RBFOX1: variants seen among roughly 807,000 people sequenced by gnomAD.
The protein encoded by RBFOX1 is RNA binding fox-1 homolog 1.
A neutral mutation model predicts 57.7 loss-of-function variants in RBFOX1; 8 were observed. That is an observed-to-expected ratio of 0.14 (90% CI 0.08 to 0.25). The LOEUF (loss-of-function observed/expected upper bound fraction) is 0.25, where lower values mean the gene tolerates loss of function less well. Ranked by LOEUF, RBFOX1 falls within the 10% of genes least tolerant of loss-of-function variation. RBFOX1 has a pLI of 1.00. For synonymous variants in RBFOX1, 326 were observed against 222.4 expected (o/e 1.47, Z -4.15); for missense variants, 611 against 548.5 (o/e 1.11, Z -1.14).
intron 2 of RBFOX1, among the ~76,000 whole-genome samples, chr16:6,334,806 G>A (rs2152813369): frequency 6.6e-6 from 1 of 152,278 alleles, no homozygotes; most frequent in African/African-American, 2.4e-5. Flanking sequence ...AGGGGAGGTG[G>A]CAGGTAACAT....
At chr16:7,230,981 C>T (rs556851334) in intron 4 of RBFOX1, among the ~76,000 whole-genome samples, 1 of 152,062 alleles carries the variant, frequency 6.6e-6, no homozygotes, top group Non-Finnish European at 1.5e-5. Context: ...GGGTCTGAGT[C>T]CCAGAATTCA....
chr16:5,949,981 A>C (rs1320731932), intron 4 of RBFOX1, among the ~76,000 whole-genome samples: 1 of 152,228 alleles, frequency 6.6e-6, no homozygotes, highest in Admixed American at 6.5e-5. Flanking sequence ...AGAATGTTAC[A>C]TAGGTTGATG....
At chr16:6,397,382 T>C (rs2092883712) in intron 2 of RBFOX1, among the ~76,000 whole-genome samples, 2 of 152,092 alleles carry the variant, frequency 1.3e-5, no homozygotes, top group South Asian at 4.1e-4. Flanking sequence ...AAGAAGACAA[T>C]ATAATGACGT....
chr16:5,321,056 G>A (rs1310615924), intron 1 of RBFOX1, among the ~76,000 whole-genome samples: 1 of 152,236 alleles, frequency 6.6e-6, no homozygotes, highest in South Asian at 2.1e-4. Flanking sequence ...TAGGTCTCAG[G>A]GAAACTGTAC....
chr16:6,385,311 C>T (rs575097032), intron 2 of RBFOX1, among the ~76,000 whole-genome samples: 1 of 152,290 alleles, frequency 6.6e-6, no homozygotes, highest in South Asian at 2.1e-4. Context: ...GTGCCCATGA[C>T]ATTATTTAAC....
At chr16:7,399,301 G>C (rs184880737) in intron 4 of RBFOX1, among the ~76,000 whole-genome samples, 1 of 149,432 alleles carries the variant, frequency 6.7e-6, no homozygotes, top group East Asian at 1.9e-4. Flanking sequence ...TACAAAATTA[G>C]CCAAGTGCGA....
At chr16:7,168,365 G>C (rs1478726) in intron 4 of RBFOX1, among the ~76,000 whole-genome samples, 111,929 of 151,978 alleles carry the variant, frequency 0.74, 42,187 homozygotes, top group Non-Finnish European at 0.82. Context: ...CTAGGGTGCA[G>C]AGCCAGGTAG....
chr16:7,677,005 G>C (rs947552733), intron 14 of RBFOX1, among the ~76,000 whole-genome samples, 167 bp downstream of exon 14: 1 of 151,932 alleles, frequency 6.6e-6, no homozygotes, highest in African/African-American at 2.4e-5. Context: ...ATAGAGAGAG[G>C]GCAAATGCTT....
intron 3 of RBFOX1, among the ~76,000 whole-genome samples, chr16:5,822,686 T>C (rs1037587183): frequency 2.7e-4 from 41 of 152,350 alleles, no homozygotes; most frequent in Admixed American, 3.9e-4. Context: ...TGTGGAATTA[T>C]GTCTTCTTGG....
chr16:5,449,432 A>T (rs891603946), intron 1 of RBFOX1, among the ~76,000 whole-genome samples: 1 of 152,098 alleles, frequency 6.6e-6, no homozygotes, highest in Non-Finnish European at 1.5e-5. Flanking sequence ...GTATATTGTC[A>T]TGATTCTTTG....
At chr16:7,574,380 G>A (rs540434326) in intron 5 of RBFOX1, among the ~76,000 whole-genome samples, 8 of 152,292 alleles carry the variant, frequency 5.3e-5, no homozygotes, top group African/African-American at 9.6e-5. Context: ...TGACTCACAC[G>A]ATCACAAGGT....
At chr16:7,693,775 T>G (rs1486466564) in intron 14 of RBFOX1, among the ~76,000 whole-genome samples, 2 of 152,164 alleles carry the variant, frequency 1.3e-5, no homozygotes, top group African/African-American at 2.4e-5. Flanking sequence ...ATTTGGGATC[T>G]TTATGGAATA....
intron 2 of RBFOX1, among the ~76,000 whole-genome samples, chr16:5,475,578 A>C (rs62016433): frequency 0.39 from 59,113 of 152,130 alleles, 11,933 homozygotes; most frequent in East Asian, 0.5. Context: ...GTATAGTAAT[A>C]GGTAATATTT....
chr16:6,265,837 A>G (rs888854921), intron 1 of RBFOX1, among the ~76,000 whole-genome samples: 1 of 152,136 alleles, frequency 6.6e-6, no homozygotes, highest in African/African-American at 2.4e-5. Flanking sequence ...TCTTCTGCCC[A>G]GATTCTTCTT....
At chr16:6,861,822 G>GTTT (rs1285793325) in intron 3 of RBFOX1, among the ~76,000 whole-genome samples, 75 of 65,526 alleles carry the variant, frequency 1.1e-3, no homozygotes, top group Non-Finnish European at 1.7e-3. Flanking sequence ...AGCGTCCCTT[G>GTTT]GTTTTTTTTT....
chr16:7,004,898 C>T (rs1405477299), intron 3 of RBFOX1, among the ~76,000 whole-genome samples: 2 of 152,104 alleles, frequency 1.3e-5, no homozygotes, highest in South Asian at 4.1e-4. Context: ...ACCTGTAATT[C>T]CAGGACTTTG....
intron 3 of RBFOX1, among the ~76,000 whole-genome samples, chr16:7,042,279 G>C (rs1271131106): frequency 6.6e-6 from 1 of 152,188 alleles, no homozygotes; most frequent in African/African-American, 2.4e-5. Context: ...GGCGCAGATT[G>C]GGGAGGAGGG....
intron 3 of RBFOX1, among the ~76,000 whole-genome samples, chr16:6,891,485 G>A (rs2065408802): frequency 6.6e-6 from 1 of 151,428 alleles, no homozygotes; most frequent in South Asian, 2.1e-4. Flanking sequence ...GAGAGAGAGA[G>A]GAGAGGAGAG....
intron 2 of RBFOX1, among the ~76,000 whole-genome samples, chr16:6,456,431 C>G (rs2094775077): frequency 6.6e-6 from 1 of 152,172 alleles, no homozygotes; most frequent in East Asian, 1.9e-4. Context: ...ATCTCAGCCT[C>G]TAGAGTGGCT....
Sources: gnomAD v4.1 joint callset for allele counts (sites outside exome capture counted in the v4.1 genomes callset) on GRCh38, gnomAD v4.1.1 for gene constraint, MANE v1.5 for transcripts, NCBI Gene and HGNC (gene_info 2026-07-23, HGNC 2026-07-21) for gene names.